NRK: variants seen among roughly 807,000 people sequenced by gnomAD.
NRK encodes the protein nik-related protein kinase.
In NRK, 67 loss-of-function variants were observed where a neutral mutation model predicts 125.2. The ratio of observed to expected loss-of-function variants is 0.54; its 90% CI spans 0.44 to 0.66. The LOEUF (loss-of-function observed/expected upper bound fraction) is 0.66. Ranked by LOEUF, NRK falls within the 30% of genes least tolerant of loss-of-function variation. The probability of loss-of-function intolerance (pLI) is 0.00; values close to 1 mark genes in which losing one functional copy is unlikely to be tolerated. For synonymous variants in NRK, 458 were observed against 429.0 expected (o/e 1.07, Z -0.84); for missense variants, 1,224 against 1,192.9 (o/e 1.03, Z -0.38).
chrX:105,834,236 C>G (rs775637717), intron 2 of NRK, among the ~76,000 whole-genome samples: 14 of 111,612 alleles, frequency 1.3e-4, no homozygotes, highest in Non-Finnish European at 1.7e-4. Flanking sequence ...GAAAGATATT[C>G]ACACTGTGTA....
chrX:105,884,338 CT>C (rs34830401), intron 4 of NRK, among the ~76,000 whole-genome samples: 152 of 102,381 alleles, frequency 1.5e-3, no homozygotes, highest in East Asian at 1.5e-3. Context: ...ACATTGCAAA[CT>C]TTTTTTTTTT....
intron 22 of NRK, 67 bp downstream of exon 22, chrX:105,937,649 G>T: frequency 1.2e-6 from 1 of 808,616 alleles, no homozygotes; most frequent in Non-Finnish European, 1.8e-6. Context: ...CTGGGTTAAA[G>T]ACTTTCTCAG....
chrX:105,935,992 T>C (rs2040660303), intron 21 of NRK, among the ~76,000 whole-genome samples: 1 of 110,233 alleles, frequency 9.1e-6, no homozygotes, highest in African/African-American at 3.3e-5. Flanking sequence ...GTTCCTTCTA[T>C]AATGTCTTAA....
intron 2 of NRK, among the ~76,000 whole-genome samples, chrX:105,843,977 C>CTGTGTGTGTGTGTGTGTG: frequency 1.1e-5 from 1 of 87,384 alleles, no homozygotes; most frequent in East Asian, 3.5e-4. Context: ...GTCCTGCACT[C>CTGTGTGTGTGTGTGTGTG]TGTGTGTGTG....
chrX:105,836,779 T>G (rs2039271559), intron 2 of NRK, among the ~76,000 whole-genome samples: 1 of 112,239 alleles, frequency 8.9e-6, no homozygotes, highest in Admixed American at 9.5e-5. Context: ...AGCTATAACC[T>G]TGAGCAAGTC....
rs1415765656 is a variant in NRK, at chrX:105,880,242, T to C, written c.167T>C (p.Met56Thr). ...GGTGCATTTACAGCTGTTAAAGTGATGAACGCTCGTAAGGTAATATTATAA... is the reference window on the plus strand; with the variant it reads ...GGTGCATTTACAGCTGTTAAAGTGACGAACGCTCGTAAGGTAATATTATAA... ...KTGAFTAVKV[M>T]NARKTPLPEI... The change falls in exon 3 of 29, where the codon ATG becomes ACG. Residue 56 changes from methionine (M) to threonine (T), a missense_variant. Physicochemically the swap from Met to Thr is moderately conservative, Grantham distance 81. Coordinates refer to ENST00000243300, the MANE Select transcript of NRK (RefSeq NM_198465.4). The C allele has an allele frequency of 9.5e-7, 1 of 1,057,238 alleles. No individual in the cohort carries two copies. The allele number at this position is 1,057,238 out of a possible 1,213,427, so 87.1% of individuals were successfully genotyped here.
chrX:105,954,690 C>T (rs1469864149), intron 28 of NRK, among the ~76,000 whole-genome samples: 1 of 110,891 alleles, frequency 9.0e-6, no homozygotes, highest in Non-Finnish European at 1.9e-5. Context: ...AATATAGCCA[C>T]TGTGGATGTC....
chrX:105,871,050 A>G lies in NRK; in HGVS notation c.124-9149A>G, dbSNP rs191527368. Among the ~76,000 whole-genome samples the G allele has an allele frequency of 5.4e-5, 6 of 112,037 alleles. No homozygotes were observed. The South Asian group carries it at 1.9e-3, about 35-fold the overall frequency. Reference sequence around the variant, plus strand: ...TCACTATCACATGTCCCCATAGTTGATATAACTACAGAGGGTATCAACTGC... The same window carrying G: ...TCACTATCACATGTCCCCATAGTTGGTATAACTACAGAGGGTATCAACTGC... On this transcript the variant is annotated intron_variant, in intron 2 of 28. Coordinates refer to ENST00000243300, the MANE Select transcript of NRK (RefSeq NM_198465.4).
In NRK at chrX:105,893,861, G is replaced by A. The variant is rs746266448; in HGVS notation, c.408G>A (p.Ser136=). 34 of 1,197,344 alleles carry A rather than the reference G, an allele frequency of 2.8e-5. No individual in the cohort carries two copies. The South Asian group carries it at 3.9e-4, about 14-fold the overall frequency. Residue 136 remains serine (S), a synonymous_variant, in exon 6 of 29, where the codon TCG becomes TCA. Coordinates refer to ENST00000243300, the MANE Select transcript of NRK (RefSeq NM_198465.4). The stretch of plus-strand genomic sequence containing the variant: ...TGATGGAGTTATGTGCAGCAGGTTC[G>A]GTCACTGATGTAGTGAGAATGACCA... ...WMVMELCAAG[S]VTDVVRMTSN...
chrX:105,927,291 G>A lies in NRK; in HGVS notation c.3312+2260G>A, dbSNP rs1428064905. Among the ~76,000 whole-genome samples the A allele has an allele frequency of 5.4e-5, 6 of 111,053 alleles. No individual in the cohort carries two copies. In the East Asian group the frequency reaches 1.4e-3, roughly 26 times the overall value. On this transcript the variant is annotated intron_variant, in intron 19 of 28. Coordinates refer to ENST00000243300, the MANE Select transcript of NRK (RefSeq NM_198465.4). ...TTCTTTCTCAGCTAGGTTATTGTTG[G>A]TATGTACAAATGTTACAGATTTTTC...
intron 2 of NRK, among the ~76,000 whole-genome samples, chrX:105,860,016 C>T (rs1280447192): frequency 8.9e-6 from 1 of 111,912 alleles, no homozygotes; most frequent in East Asian, 2.8e-4. Context: ...AATGAAGTAT[C>T]TCTGTTTGGC....
intron 9 of NRK, among the ~76,000 whole-genome samples, chrX:105,904,911 T>A (rs899094685): frequency 1.8e-5 from 2 of 112,018 alleles, no homozygotes; most frequent in African/African-American, 6.5e-5. Context: ...AATTACATAT[T>A]CCAATTTTAT....
At chrX:105,955,479 G>C (rs1237329882) in intron 28 of NRK, 26 bp from the exon 29 acceptor site, 1 of 934,531 alleles carries the variant, frequency 1.1e-6, no homozygotes, top group African/African-American at 1.9e-5. Context: ...AATATCTGTT[G>C]ACAGTGTATT....
intron 9 of NRK, among the ~76,000 whole-genome samples, chrX:105,904,073 A>G (rs183061180): frequency 6.3e-5 from 7 of 111,889 alleles, no homozygotes; most frequent in African/African-American, 1.3e-4. Flanking sequence ...GTCTACTACT[A>G]TGAAAGGCCA....
At chrX:105,906,098 A>C (rs2040215743) in intron 10 of NRK, among the ~76,000 whole-genome samples, 1 of 111,971 alleles carries the variant, frequency 8.9e-6, no homozygotes, top group South Asian at 3.8e-4. Context: ...TGCAGACTAC[A>C]TATATCACAT....
rs1012056363 is a variant in NRK, at chrX:105,855,904, T to C, written c.124-24295T>C. Among the ~76,000 whole-genome samples the C allele has an allele frequency of 2.9e-4, 32 of 111,484 alleles. 1 individual carries two copies. The highest frequency in any genetic ancestry group is 1.0e-3 in the African/African-American group (32 of 30,706). ...ATCAACAATAGTTATAGTTTTCCTG[T>C]AAGGAAAATAATTTTTACCTTACCA... On this transcript the variant is annotated intron_variant, in intron 2 of 28. Coordinates refer to ENST00000243300, the MANE Select transcript of NRK (RefSeq NM_198465.4).
intron 27 of NRK, among the ~76,000 whole-genome samples, chrX:105,951,213 G>A (rs771784740): frequency 9.0e-6 from 1 of 110,793 alleles, no homozygotes; most frequent in Non-Finnish European, 1.9e-5. Context: ...GTACTTTTGT[G>A]ATCGATATGC....
chrX:105,849,491 C>T (rs1044081543), intron 2 of NRK, among the ~76,000 whole-genome samples: 4 of 111,379 alleles, frequency 3.6e-5, no homozygotes, highest in Non-Finnish European at 7.5e-5. Context: ...CCCAAAAGTC[C>T]GTAGTCCCGT....
At chrX:105,921,192 G>T (rs1362116708) in intron 16 of NRK, among the ~76,000 whole-genome samples, 3 of 108,116 alleles carry the variant, frequency 2.8e-5, no homozygotes, top group Admixed American at 1.0e-4. Flanking sequence ...GGACGTGGAT[G>T]AAATTGGAAA....
Sources: gnomAD v4.1 joint callset for allele counts (sites outside exome capture counted in the v4.1 genomes callset) on GRCh38, gnomAD v4.1.1 for gene constraint, MANE v1.5 for transcripts, NCBI Gene and HGNC (gene_info 2026-07-23, HGNC 2026-07-21) for gene names.